The following DNMBP variants were observed in gnomAD, a reference collection of about 807,000 sequenced individuals.
The protein encoded by DNMBP is dynamin binding protein, also known as dynamin-binding protein.
Under a neutral mutation model 150.0 loss-of-function variants are expected in DNMBP, and 87 were observed. That is an observed-to-expected ratio of 0.58 (90% CI 0.49 to 0.69). The LOEUF is 0.69. Ranked by LOEUF, DNMBP falls within the 30% of genes least tolerant of loss-of-function variation. The pLI is 0.00. For synonymous variants in DNMBP, 711 were observed against 750.4 expected (o/e 0.95, Z 0.86); for missense variants, 1,774 against 1,949.0 (o/e 0.91, Z 1.69).
chr10:99,956,075 G>T lies in DNMBP; in HGVS notation c.1399C>A (p.Gln467Lys). ...ASLPPKRMYS[Q>K]LKTLQKPVLP... ...ACTGGCTTCTGAAGAGTTTTTAGCT[G>T]GGAATACATTCTTTTGGGAGGTAGG... is the stretch of plus-strand genomic sequence containing the variant. Residue 467 changes from glutamine to lysine, a missense_variant, in exon 4 of 17, where the codon CAG (glutamine) becomes AAG (lysine). Gln to Lys is a moderately conservative substitution (Grantham distance 53). Transcript: ENST00000324109. 2 of 1,614,154 alleles carry T rather than the reference G, an allele frequency of 1.2e-6. No homozygotes were observed. Among genetic ancestry groups the T allele is most frequent in the South Asian group, 2.2e-5 (2 of 91,080 alleles).
At position 99,896,311 on chromosome 10, in the gene DNMBP, G is replaced by A. The variant is rs768083881; in HGVS notation, c.3007C>T (p.Arg1003Ter). Residue 1003 changes from arginine to a stop codon, truncating the protein, a stop_gained, in exon 10 of 17, where the codon CGA becomes TGA. Coordinates refer to ENST00000324109, the MANE Select transcript of DNMBP (RefSeq NM_015221.4). LOFTEE classifies it high-confidence loss of function. ...NIHSIIKKSN[R>*]VSSHLKHLTG... ...AGATGCTTCAGGTGACTGCTAACTC[G>A]GTTGGATTTCTTGATGATGGAGTGG... is the stretch of plus-strand genomic sequence containing the variant. 35 of 1,614,004 alleles carry A rather than the reference G, an allele frequency of 2.2e-5. No homozygotes were observed. The highest frequency in any genetic ancestry group is 4.0e-5 in the African/African-American group (3 of 74,890).
At chr10:100,000,875 A>C (rs12246827) in intron 1 of DNMBP, among the ~76,000 whole-genome samples, 17 of 149,880 alleles carry the variant, frequency 1.1e-4, no homozygotes, top group East Asian at 3.9e-4. Context: ...AAAAAAAAAA[A>C]AAAAAAAAAA....
chr10:99,942,418 T>G (rs2040310438), intron 4 of DNMBP, among the ~76,000 whole-genome samples: 1 of 152,208 alleles, frequency 6.6e-6, no homozygotes, highest in Admixed American at 6.5e-5. Flanking sequence ...TCCTGTCTTT[T>G]GGGTCTTATT....
chr10:99,905,706 C>T lies in DNMBP; in HGVS notation c.2554+2289G>A, dbSNP rs2039817545. Among the ~76,000 whole-genome samples the T allele has an allele frequency of 3.9e-5, 6 of 152,194 alleles. No individual in the cohort carries two copies. The South Asian group carries it at 1.2e-3, about 32-fold the overall frequency. On this transcript the variant is annotated intron_variant, in intron 6 of 16. Coordinates refer to ENST00000324109, the MANE Select transcript of DNMBP (RefSeq NM_015221.4). ...TGTCTCAAAAACATGTGTGGCGGCT[C>T]GTGCCTATAATCACAGCATTTTGGG... is the stretch of plus-strand genomic sequence containing the variant.
At chr10:99,936,256 C>CT (rs1238382833) in intron 4 of DNMBP, among the ~76,000 whole-genome samples, 1 of 152,126 alleles carries the variant, frequency 6.6e-6, no homozygotes, top group Non-Finnish European at 1.5e-5. Flanking sequence ...ATACTGTGCT[C>CT]TTATCCTTTC....
intron 6 of DNMBP, among the ~76,000 whole-genome samples, chr10:99,904,159 G>A (rs2039787672): frequency 6.6e-6 from 1 of 152,156 alleles, no homozygotes; most frequent in Non-Finnish European, 1.5e-5. Flanking sequence ...GGAGGCTGAG[G>A]TGGGAGGATC....
Position 99,968,407 on chromosome 10 carries a change from T to C in DNMBP, c.268+708A>G, listed in dbSNP as rs2040641998. On this transcript the variant is annotated intron_variant, in intron 3 of 16. Transcript: ENST00000324109. The stretch of plus-strand genomic sequence containing the variant: ...AAAGAGAAATAAAGCCTGAAGTTGG[T>C]CAGGCGCAGTGACTCATGCCTGTAA... 3.3e-5 allele frequency among the ~76,000 whole-genome samples: 5 copies of C among 152,054 alleles called. No individual in the cohort carries two copies. The South Asian group carries it at 1.0e-3, about 32-fold the overall frequency.
chr10:99,959,911 G>A (rs11596987), intron 3 of DNMBP, among the ~76,000 whole-genome samples: 35,538 of 151,372 alleles, frequency 0.23, 4,973 homozygotes, highest in Non-Finnish European at 0.31. Flanking sequence ...TGTTGGAGAT[G>A]AAGGGTATGG....
At chr10:99,964,827 C>T (rs993622967) in intron 3 of DNMBP, among the ~76,000 whole-genome samples, 1 of 150,654 alleles carries the variant, frequency 6.6e-6, no homozygotes, top group Non-Finnish European at 1.5e-5. Context: ...GCAGAAATTG[C>T]GCCACTGCAC....
intron 1 of DNMBP, among the ~76,000 whole-genome samples, chr10:99,998,764 G>A (rs2040980081): frequency 6.6e-6 from 1 of 152,012 alleles, no homozygotes; most frequent in Non-Finnish European, 1.5e-5. Flanking sequence ...TAATGGTATT[G>A]TTGTCATACA....
intron 1 of DNMBP, among the ~76,000 whole-genome samples, chr10:99,973,633 T>G (rs536239004): frequency 6.6e-6 from 1 of 152,254 alleles, no homozygotes; most frequent in East Asian, 1.9e-4. Flanking sequence ...TGCAAACAAA[T>G]GTACCACAAC....
rs116934432 is a variant in DNMBP, at chr10:99,903,561, G to A, written c.2555-3495C>T. ...TTGGTCAGGCTGGTCTCGAACTCCC[G>A]AGCTCAGCAATCCACCCACCTTGGC... is the stretch of plus-strand genomic sequence containing the variant. On this transcript the variant is annotated intron_variant, in intron 6 of 16. Transcript: ENST00000324109. 4.6e-4 allele frequency among the ~76,000 whole-genome samples: 70 copies of A among 152,136 alleles called. 1 individual carries two copies. The East Asian group carries it at 8.3e-3, about 18-fold the overall frequency.
At chr10:99,996,023 T>A (rs1179531352) in intron 1 of DNMBP, among the ~76,000 whole-genome samples, 7 of 152,242 alleles carry the variant, frequency 4.6e-5, no homozygotes, top group African/African-American at 1.7e-4. Flanking sequence ...TGAACAGTTG[T>A]GAACATGAAG....
At chr10:99,919,688 G>A (rs553539527) in intron 4 of DNMBP, among the ~76,000 whole-genome samples, 2 of 152,348 alleles carry the variant, frequency 1.3e-5, no homozygotes, top group South Asian at 4.1e-4. Context: ...TTGGGAGGCT[G>A]AGGCAGGAGA....
At chr10:100,003,083 C>T (rs2041033574) in intron 1 of DNMBP, among the ~76,000 whole-genome samples, 1 of 152,184 alleles carries the variant, frequency 6.6e-6, no homozygotes, top group Non-Finnish European at 1.5e-5. Flanking sequence ...GGCACGGTGG[C>T]TCAGGCCTGT....
intron 4 of DNMBP, among the ~76,000 whole-genome samples, chr10:99,953,516 A>T (rs1308159934): frequency 6.6e-6 from 1 of 151,794 alleles, no homozygotes; most frequent in East Asian, 2.0e-4. Context: ...ATGGTAATAA[A>T]TGTTAGCTAT....
In DNMBP at chr10:99,970,983, A is replaced by AAAAATAAAAAAAAAAAT. The variant is rs1263044860; in HGVS notation, c.145+996_145+997insATTTTTTTTTTTATTTT. On this transcript the variant is annotated intron_variant, in intron 2 of 16. Coordinates refer to ENST00000324109, the MANE Select transcript of DNMBP (RefSeq NM_015221.4). ...CAAGACTCCGTCTCAAAAAAAAAAA[A>AAAAATAAAAAAAAAAAT]AAAAAAAAAAAAAAAGGAAAGCAGT... Among the ~76,000 whole-genome samples, 246 of 147,450 alleles carry AAAAATAAAAAAAAAAAT rather than the reference A, an allele frequency of 1.7e-3. 6 individuals carry two copies. The highest frequency in any genetic ancestry group is 5.4e-3 in the African/African-American group (215 of 40,002).
chr10:99,929,230 AC>A (rs1164256703), intron 4 of DNMBP, among the ~76,000 whole-genome samples: 21 of 151,980 alleles, frequency 1.4e-4, no homozygotes, highest in South Asian at 6.2e-4. Flanking sequence ...AAAAAAAAAA[AC>A]ATGCCAGGAA....
At chr10:99,966,287 T>C (rs2040618388) in intron 3 of DNMBP, among the ~76,000 whole-genome samples, 1 of 152,192 alleles carries the variant, frequency 6.6e-6, no homozygotes, top group Non-Finnish European at 1.5e-5. Flanking sequence ...AATTAGTACA[T>C]CTCATTCTAG....
Sources: gnomAD v4.1 joint callset for allele counts (sites outside exome capture counted in the v4.1 genomes callset) on GRCh38, gnomAD v4.1.1 for gene constraint, MANE v1.5 for transcripts, NCBI Gene and HGNC (gene_info 2026-07-23, HGNC 2026-07-21) for gene names.